The following WDFY3 variants were observed in gnomAD, a reference collection of about 807,000 sequenced individuals.
WDFY3 encodes the protein WD repeat and FYVE domain containing 3, also known as WD repeat and FYVE domain-containing protein 3.
A neutral mutation model predicts 409.6 loss-of-function variants in WDFY3; 66 were observed. That is an observed-to-expected ratio of 0.16 (90% confidence interval 0.13 to 0.20). WDFY3 has a LOEUF of 0.20. Among genes scored for constraint, WDFY3 ranks in the 10% least tolerant of loss-of-function variants. The pLI is 1.00. For missense variants in WDFY3, 3,031 were observed against 4,298.1 expected (o/e 0.71, Z 8.24); for synonymous variants, 1,521 against 1,537.1 (o/e 0.99, Z 0.25).
chr4:84,789,169 GT>G (rs1474861984), intron 22 of WDFY3, among the ~76,000 whole-genome samples: 1 of 152,112 alleles, frequency 6.6e-6, no homozygotes, highest in Non-Finnish European at 1.5e-5. Flanking sequence ...AGTTTCACTT[GT>G]TTCTTTACTT....
chr4:84,696,254 T>TA, intron 57 of WDFY3, 72 bp from the exon 58 acceptor site: 1 of 1,424,354 alleles, frequency 7.0e-7, no homozygotes, highest in Non-Finnish European at 9.7e-7. Flanking sequence ...AAAACCTTGG[T>TA]AAGTGGTTAA....
intron 22 of WDFY3, among the ~76,000 whole-genome samples, chr4:84,788,742 C>T (rs1431631442): frequency 6.6e-6 from 1 of 152,120 alleles, no homozygotes; most frequent in Non-Finnish European, 1.5e-5. Context: ...CAAGTGATCG[C>T]CCTAAAATGG....
chr4:84,788,178 C>T (rs896505287), intron 22 of WDFY3, among the ~76,000 whole-genome samples: 1 of 152,038 alleles, frequency 6.6e-6, no homozygotes, highest in Non-Finnish European at 1.5e-5. Context: ...TAATTAAGTA[C>T]AGTATAAGAG....
At chr4:84,929,132 A>C (rs1017265691) in intron 2 of WDFY3, among the ~76,000 whole-genome samples, 2 of 152,188 alleles carry the variant, frequency 1.3e-5, no homozygotes, top group African/African-American at 4.8e-5. Context: ...CCATGTTGTG[A>C]CCTGCCCTAC....
At chr4:84,899,213 A>G (rs997538364) in intron 2 of WDFY3, among the ~76,000 whole-genome samples, 7 of 152,346 alleles carry the variant, frequency 4.6e-5, no homozygotes, top group Admixed American at 3.3e-4. Flanking sequence ...AATTACTTAA[A>G]AAATGAGTAT....
intron 29 of WDFY3, among the ~76,000 whole-genome samples, chr4:84,774,534 A>T (rs1745225394): frequency 6.6e-6 from 1 of 152,222 alleles, no homozygotes; most frequent in Non-Finnish European, 1.5e-5. Context: ...GGAACCAAGA[A>T]TTCCTAGACT....
chr4:84,695,459 G>A lies in WDFY3; in HGVS notation c.8901+511C>T, dbSNP rs534385174. ...CCCCATTTGGGTCCCGTGTGTGTGT[G>A]TGTGTGTGTGTGTGTGTGTCAGACA... On this transcript the variant is annotated intron_variant, in intron 58 of 67. Transcript: ENST00000295888. 5.3e-5 allele frequency among the ~76,000 whole-genome samples: 8 copies of A among 150,724 alleles called. No individual in the cohort carries two copies. In the South Asian group the frequency reaches 1.7e-3, roughly 32 times the overall value.
intron 56 of WDFY3, among the ~76,000 whole-genome samples, chr4:84,698,290 A>T (rs192923955): frequency 0.031 from 4,493 of 145,692 alleles, 97 homozygotes; most frequent in Non-Finnish European, 0.048. Context: ...ATATATATAT[A>T]TTTTTTTTTT....
At chr4:84,843,004 A>C (rs1435528890) in intron 5 of WDFY3, among the ~76,000 whole-genome samples, 1 of 152,206 alleles carries the variant, frequency 6.6e-6, no homozygotes, top group Non-Finnish European at 1.5e-5. Context: ...TTAGCACGAA[A>C]ATTTTAAAAA....
chr4:84,821,438 C>A lies in WDFY3; in HGVS notation c.1237G>T (p.Ala413Ser). ...ILDAITNIYM[A>S]DNANYFILES... ...AGGATGAAGTAATTGGCATTGTCAG[C>A]CATGTAAATATTTGTGATAGCATCA... The change falls in exon 11 of 68, where the codon GCT (alanine) becomes TCT (serine). Residue 413 changes from alanine to serine, a missense_variant. Around this residue, in one of 16 missense-constraint regions of WDFY3, gnomAD observed 1,322 missense variants for 1,697.9 expected, o/e 0.78. Transcript: ENST00000295888. 1 of 1,613,794 alleles carries A rather than the reference C, an allele frequency of 6.2e-7. No homozygotes were observed. The highest frequency in any genetic ancestry group is 8.5e-7 in the Non-Finnish European group (1 of 1,179,848).
Position 84,860,641 on chromosome 4 carries a change from A to G in WDFY3, c.-31-19T>C. The G allele has an allele frequency of 6.6e-7, 1 of 1,525,738 alleles. No homozygotes were observed. The highest frequency in any genetic ancestry group is 8.9e-7 in the Non-Finnish European group (1 of 1,128,580). 94.5% of individuals were successfully genotyped at this position (1,525,738 alleles called of 1,614,324 possible). A position where few individuals can be genotyped will look rare whatever the true frequency, so the allele number is the denominator to read the frequency against. On this transcript the variant is annotated intron_variant, in intron 3 of 67. Transcript: ENST00000295888. ...TCTAATTCTGTAGGAAAATGTCAAT[A>G]CATGAACAGTCAAAACATCATCATC... is the stretch of plus-strand genomic sequence containing the variant.
intron 67 of WDFY3, among the ~76,000 whole-genome samples, chr4:84,673,887 G>A (rs1431882542): frequency 6.6e-6 from 1 of 152,154 alleles, no homozygotes; most frequent in Admixed American, 6.5e-5. Flanking sequence ...AAAGTGCTGA[G>A]ACTACAGACG....
intron 37 of WDFY3, among the ~76,000 whole-genome samples, chr4:84,743,204 T>C (rs766441821): frequency 3.9e-5 from 6 of 152,226 alleles, no homozygotes; most frequent in Non-Finnish European, 7.4e-5. Flanking sequence ...TATACACAAA[T>C]GTTGGCTTCA....
chr4:84,738,626 G>T (rs1350615341), intron 40 of WDFY3, among the ~76,000 whole-genome samples: 2 of 151,182 alleles, frequency 1.3e-5, no homozygotes, highest in Non-Finnish European at 3.0e-5. Context: ...AAGAGAGAGA[G>T]TATAAAGAAG....
chr4:84,866,643 A>T (rs1761438951), intron 3 of WDFY3, among the ~76,000 whole-genome samples: 1 of 152,194 alleles, frequency 6.6e-6, no homozygotes, highest in Non-Finnish European at 1.5e-5. Flanking sequence ...GCTGATAGGG[A>T]CCTCAAAAGG....
At chr4:84,797,897 TTC>T in intron 18 of WDFY3, 97 bp downstream of exon 18, 1 of 1,153,136 alleles carries the variant, frequency 8.7e-7, no homozygotes, top group Admixed American at 2.3e-5. Context: ...TAATAAACCC[TTC>T]TCTTTCTTTG....
chr4:84,791,631 T>C (rs945322273), intron 21 of WDFY3, among the ~76,000 whole-genome samples: 5 of 152,196 alleles, frequency 3.3e-5, no homozygotes, highest in African/African-American at 9.7e-5. Flanking sequence ...TCTTGCTATA[T>C]GCTATGCTCA....
chr4:84,688,123 C>T lies in WDFY3; in HGVS notation c.9506G>A (p.Arg3169Gln), dbSNP rs200732667. ...GATACAAAGAGCAGAAACTGGAGCTCGATGCCCTCGAAGCTGGGTTAGAAA... is the reference window on the plus strand; with the variant it reads ...GATACAAAGAGCAGAAACTGGAGCTTGATGCCCTCGAAGCTGGGTTAGAAA... ...LSFLTQLRGH[R>Q]APVSALCINE... Residue 3169 changes from arginine to glutamine, a missense_variant, in exon 62 of 68, where the codon CGA becomes CAA. Transcript: ENST00000295888. The T allele has an allele frequency of 3.3e-5, 54 of 1,614,042 alleles. No homozygotes were observed. Among genetic ancestry groups the T allele is most frequent in the African/African-American group, 1.2e-4 (9 of 75,026 alleles).
At position 84,747,336 on chromosome 4, in the gene WDFY3, T is replaced by C. The variant is rs1193812181; in HGVS notation, c.5974-3537A>G. Among the ~76,000 whole-genome samples, 10 of 152,338 alleles carry C rather than the reference T, an allele frequency of 6.6e-5. No homozygotes were observed. The East Asian group carries it at 1.5e-3, about 24-fold the overall frequency. ...GTAATGGGCTGGAAGCCTTTAAAGA[T>C]AGGATTTTGAGACTCCTGATTCTGA... is the stretch of plus-strand genomic sequence containing the variant. On this transcript the variant is annotated intron_variant, in intron 36 of 67. Transcript: ENST00000295888.
Sources: gnomAD v4.1 joint callset for allele counts (sites outside exome capture counted in the v4.1 genomes callset) on GRCh38, gnomAD v4.1.1 for gene constraint, gnomAD v4.1.1 regional missense constraint, MANE v1.5 for transcripts, NCBI Gene and HGNC (gene_info 2026-07-23, HGNC 2026-07-21) for gene names.